The following DESI1 variants were observed in gnomAD, a reference collection of about 807,000 sequenced individuals.
DESI1 encodes desumoylating isopeptidase 1.
Under a neutral mutation model 22.4 loss-of-function variants are expected in DESI1, and 17 were observed. The observed-to-expected ratio is 0.76, with a 90% confidence interval of 0.52 to 1.14. The LOEUF is 1.14. DESI1 is among the 50% of genes most tolerant of loss of function. DESI1 has a pLI of 0.00. For missense variants in DESI1, 177 were observed against 208.9 expected, an observed-to-expected ratio of 0.85 and a Z score of 0.94; for synonymous variants, 92 against 84.2, an observed-to-expected ratio of 1.09 and a Z score of -0.51.
chr22:41,620,947 G>T lies in DESI1; in HGVS notation c.-108C>A, dbSNP rs2067591327. 3.2e-6 allele frequency: 4 copies of T among 1,232,014 alleles called. No homozygotes were observed. The highest frequency in any genetic ancestry group is 4.5e-6 in the Non-Finnish European group (4 of 882,990). The allele number at this position is 1,232,014 out of a possible 1,614,324, so 76.3% of individuals were successfully genotyped here. On this transcript the variant is annotated 5_prime_UTR_variant, in exon 1 of 6. Coordinates refer to ENST00000263256, the MANE Select transcript of DESI1 (RefSeq NM_015704.3). ...AAGCGGAGGGAGAGGGGGGGACCGAGCCCGGGCCCGGGCTGAGGGGTGGGG... is the reference window on the plus strand; with the variant it reads ...AAGCGGAGGGAGAGGGGGGGACCGATCCCGGGCCCGGGCTGAGGGGTGGGG...
In DESI1 at chr22:41,601,216, G is replaced by A. The variant is rs1470680572; in HGVS notation, c.414-26C>T. Reference sequence around the variant, plus strand: ...CTGCAAGGAAACAGAGACATGAGAGGGGTGGGCTCTGGGATGTGGCCTGCT... The same window carrying A: ...CTGCAAGGAAACAGAGACATGAGAGAGGTGGGCTCTGGGATGTGGCCTGCT... On this transcript the variant is annotated intron_variant, in intron 5 of 5. Coordinates refer to ENST00000263256, the MANE Select transcript of DESI1 (RefSeq NM_015704.3). 6 of 1,589,956 alleles carry A rather than the reference G, an allele frequency of 3.8e-6. No individual in the cohort carries two copies. In the African/African-American group the frequency reaches 8.1e-5, roughly 21 times the overall value.
intron 1 of DESI1, among the ~76,000 whole-genome samples, chr22:41,613,195 A>G (rs1467079906): frequency 6.6e-6 from 1 of 152,206 alleles, no homozygotes; most frequent in Non-Finnish European, 1.5e-5. Flanking sequence ...TGGACAGTGC[A>G]GATCTAGAAC....
chr22:41,619,051 G>T (rs937115284), intron 1 of DESI1, among the ~76,000 whole-genome samples: 11 of 151,182 alleles, frequency 7.3e-5, no homozygotes, highest in Admixed American at 7.3e-4. Context: ...GTGACAGAGC[G>T]AGACTCCGTC....
chr22:41,602,936 C>G (rs773902507), intron 5 of DESI1: 105 of 611,342 alleles, frequency 1.7e-4, no homozygotes, highest in Non-Finnish European at 2.2e-4. Flanking sequence ...TAACTGGGTG[C>G]TTCTGGGGAG....
rs1450825281 is a variant in DESI1 at position 41,620,953 on chromosome 22, G to T, written c.-114C>A. 3.4e-6 allele frequency: 4 copies of T among 1,189,736 alleles called. No individual in the cohort carries two copies. The highest frequency in any genetic ancestry group is 2.7e-5 in the East Asian group (1 of 37,516). 73.7% of individuals were successfully genotyped at this position (1,189,736 alleles called of 1,614,324 possible). On this transcript the variant is annotated 5_prime_UTR_variant, in exon 1 of 6. Coordinates refer to ENST00000263256, the MANE Select transcript of DESI1 (RefSeq NM_015704.3). ...AGGGAGAGGGGGGGACCGAGCCCGG[G>T]CCCGGGCTGAGGGGTGGGGGAGAGG... is the stretch of plus-strand genomic sequence containing the variant.
chr22:41,605,833 A>G (rs1431973585), intron 3 of DESI1, among the ~76,000 whole-genome samples: 3 of 152,214 alleles, frequency 2.0e-5, no homozygotes, highest in African/African-American at 7.2e-5. Context: ...TACGTATGAC[A>G]GGAGACCTTC....
At chr22:41,615,394 C>T (rs1297900589) in intron 1 of DESI1, among the ~76,000 whole-genome samples, 1 of 151,186 alleles carries the variant, frequency 6.6e-6, no homozygotes, top group East Asian at 1.9e-4. Flanking sequence ...CACTGCACTC[C>T]AGCCTGGGCA....
intron 3 of DESI1, among the ~76,000 whole-genome samples, chr22:41,605,697 T>C (rs2147040154): frequency 6.6e-6 from 1 of 152,196 alleles, no homozygotes; most frequent in South Asian, 2.1e-4. Flanking sequence ...GTGGACAAAA[T>C]AGATGAGATT....
At chr22:41,615,783 C>T (rs2067547455) in intron 1 of DESI1, among the ~76,000 whole-genome samples, 1 of 152,234 alleles carries the variant, frequency 6.6e-6, no homozygotes. Flanking sequence ...GCCTCTCTGA[C>T]ATGCTCAGCT....
chr22:41,600,968 T>C lies in DESI1; in HGVS notation c.*129A>G. 1 of 855,494 alleles carries C rather than the reference T, an allele frequency of 1.2e-6. No homozygotes were observed. Among genetic ancestry groups the C allele is most frequent in the Non-Finnish European group, 1.9e-6 (1 of 534,970 alleles). The allele number at this position is 855,494 out of a possible 1,614,324, so 53.0% of individuals were successfully genotyped here. A position where few individuals can be genotyped will look rare whatever the true frequency, so the allele number is the denominator to read the frequency against. On this transcript the variant is annotated 3_prime_UTR_variant, in exon 6 of 6. Coordinates refer to ENST00000263256, the MANE Select transcript of DESI1 (RefSeq NM_015704.3). ...CATGCGGCCTGACGGTCTCCTTCCC[T>C]GGGAAATTTAAAAAGCCGTCCCCTG...
Position 41,600,961 on chromosome 22 carries a change from C to T in DESI1, c.*136G>A. 1.3e-6 allele frequency: 1 copy of T among 792,246 alleles called. No homozygotes were observed. Among genetic ancestry groups the T allele is most frequent in the Non-Finnish European group, 2.1e-6 (1 of 479,578 alleles). The allele number at this position is 792,246 out of a possible 1,614,324, so 49.1% of individuals were successfully genotyped here. Reference sequence around the variant, plus strand: ...TTGTCTACATGCGGCCTGACGGTCTCCTTCCCTGGGAAATTTAAAAAGCCG... The same window carrying T: ...TTGTCTACATGCGGCCTGACGGTCTTCTTCCCTGGGAAATTTAAAAAGCCG... On this transcript the variant is annotated 3_prime_UTR_variant, in exon 6 of 6. Coordinates refer to ENST00000263256, the MANE Select transcript of DESI1 (RefSeq NM_015704.3).
chr22:41,602,508 G>C lies in DESI1; in HGVS notation c.413+751C>G, dbSNP rs189223247. On this transcript the variant is annotated intron_variant, in intron 5 of 5. Transcript: ENST00000263256. ...ATATAAAAAACAGCCCACCTTGCTG[G>C]GCCTGCGAAACCTGCCAGGATCTCT... is the stretch of plus-strand genomic sequence containing the variant. 4 of 985,318 alleles carry C rather than the reference G, an allele frequency of 4.1e-6. No individual in the cohort carries two copies. In the African/African-American group the frequency reaches 5.2e-5, roughly 13 times the overall value. 61.0% of individuals were successfully genotyped at this position (985,318 alleles called of 1,614,324 possible). A position where few individuals can be genotyped will look rare whatever the true frequency, so the allele number is the denominator to read the frequency against.
At position 41,621,031 on chromosome 22, in the gene DESI1, A is replaced by G; in HGVS notation, c.-192T>C. On this transcript the variant is annotated 5_prime_UTR_variant, in exon 1 of 6. Transcript: ENST00000263256. ...CCCGCTACCGGCAACGACTACTGTG[A>G]GGTGACAGAGAGGGGACAGGGAGGG... is the stretch of plus-strand genomic sequence containing the variant. The G allele has an allele frequency of 1.6e-6, 1 of 606,308 alleles. No individual in the cohort carries two copies. Among genetic ancestry groups the G allele is most frequent in the Admixed American group, 3.1e-5 (1 of 32,022 alleles). The allele number at this position is 606,308 out of a possible 1,614,324, so 37.6% of individuals were successfully genotyped here.
In DESI1 at chr22:41,613,118, C is replaced by A. The variant is rs114482931; in HGVS notation, c.89-5257G>T. On this transcript the variant is annotated intron_variant, in intron 1 of 5. Coordinates refer to ENST00000263256, the MANE Select transcript of DESI1 (RefSeq NM_015704.3). ...TTTAAGTTAAATAAATGCACAAATT[C>A]AGTCCCTCAGTTCCACTAACCACAT... 8.5e-3 allele frequency among the ~76,000 whole-genome samples: 1,290 copies of A among 152,310 alleles called. 19 individuals are homozygous for A. The highest frequency in any genetic ancestry group is 0.029 in the African/African-American group (1,224 of 41,568).
At position 41,620,889 on chromosome 22, in the gene DESI1, G is replaced by A. The variant is rs768402475; in HGVS notation, c.-50C>T. On this transcript the variant is annotated 5_prime_UTR_variant, in exon 1 of 6. Coordinates refer to ENST00000263256, the MANE Select transcript of DESI1 (RefSeq NM_015704.3). ...CGACGGCCCTCGGGCACCCGGCAGCGGCTTGGACCTTCCCGTACCCGACGG... is the reference window on the plus strand; with the variant it reads ...CGACGGCCCTCGGGCACCCGGCAGCAGCTTGGACCTTCCCGTACCCGACGG... 7.0e-6 allele frequency: 11 copies of A among 1,573,222 alleles called. No homozygotes were observed. The highest frequency in any genetic ancestry group is 1.7e-4 in the Middle Eastern group (1 of 6,036).
intron 1 of DESI1, among the ~76,000 whole-genome samples, chr22:41,613,473 A>C (rs968127250): frequency 5.9e-5 from 9 of 152,228 alleles, no homozygotes; most frequent in African/African-American, 2.2e-4. Context: ...CCTTCTCCCC[A>C]GTTAGACTAC....
chr22:41,603,266 G>A lies in DESI1; in HGVS notation c.406C>T (p.Leu136Phe). Residue 136 changes from leucine to phenylalanine, a missense_variant, in exon 5 of 6, where the codon CTC becomes TTC. Leu to Phe is a conservative substitution (Grantham distance 22). Coordinates refer to ENST00000263256, the MANE Select transcript of DESI1 (RefSeq NM_015704.3). ...GACAGAGGCCACACTTACGTGGAGA[G>A]AACTTCAGAGGGCAGGTCTGTGATG... Reference protein sequence around the residue: ...SYITDLPSEVLSTPFGQALRP... With the variant: ...SYITDLPSEVFSTPFGQALRP... The A allele has an allele frequency of 6.2e-7, 1 of 1,614,196 alleles. No homozygotes were observed. Among genetic ancestry groups the A allele is most frequent in the Non-Finnish European group, 8.5e-7 (1 of 1,180,028 alleles).
At chr22:41,612,735 T>C (rs1272898472) in intron 1 of DESI1, among the ~76,000 whole-genome samples, 1 of 151,000 alleles carries the variant, frequency 6.6e-6, no homozygotes, top group African/African-American at 2.4e-5. Flanking sequence ...GCTGAGACTA[T>C]ATGTGTACCA....
Position 41,600,040 on chromosome 22 carries a change from G to T in DESI1, c.*1057C>A, listed in dbSNP as rs919924945. On this transcript the variant is annotated 3_prime_UTR_variant, in exon 6 of 6. Transcript: ENST00000263256. ...CTGAAAATACAAAAATTAGCCTGGC[G>T]TGGTGGCACGCACCTGTAATCCCAG... 1.3e-5 allele frequency: 2 copies of T among 151,936 alleles called. No homozygotes were observed. The highest frequency in any genetic ancestry group is 2.9e-5 in the Non-Finnish European group (2 of 68,004). The allele number at this position is 151,936 out of a possible 1,614,324, so 9.4% of individuals were successfully genotyped here.
Sources: allele counts gnomAD v4.1 joint callset (sites outside exome capture counted in the v4.1 genomes callset), GRCh38; gene constraint gnomAD v4.1.1; transcripts MANE v1.5; gene names NCBI Gene and HGNC (gene_info 2026-07-23, HGNC 2026-07-21).